NAA60: variants seen among roughly 807,000 people sequenced by gnomAD.
The protein encoded by NAA60 is N-alpha-acetyltransferase 60.
Under a neutral mutation model 26.1 loss-of-function variants are expected in NAA60, and 8 were observed. The ratio of observed to expected loss-of-function variants is 0.31; its 90% CI spans 0.18 to 0.55. The LOEUF (loss-of-function observed/expected upper bound fraction) is 0.55, where lower values mean the gene tolerates loss of function less well. NAA60 is among the 20% of genes least tolerant of loss of function. The probability of loss-of-function intolerance (pLI) is 0.93; values close to 1 mark genes in which losing one functional copy is unlikely to be tolerated. For synonymous variants in NAA60, 131 were observed against 122.5 expected (o/e 1.07, Z -0.46); for missense variants, 290 against 311.3 (o/e 0.93, Z 0.51).
chr16:3,445,127 ACTTGC>A (rs1419073618), intron 1 of NAA60, among the ~76,000 whole-genome samples: 3 of 152,184 alleles, frequency 2.0e-5, no homozygotes, highest in Non-Finnish European at 4.4e-5. Context: ...GTAAGAACAA[ACTTGC>A]CTACAGGCTA....
chr16:3,455,503 T>G (rs1328727148), intron 2 of NAA60, among the ~76,000 whole-genome samples: 1 of 147,872 alleles, frequency 6.8e-6, no homozygotes, highest in Non-Finnish European at 1.5e-5. Flanking sequence ...CACGCCATTC[T>G]CCTGCCTCAG....
rs778608697 is a variant in NAA60, at chr16:3,443,711, C to T, written c.-203C>T. 14 of 1,460,994 alleles carry T rather than the reference C, an allele frequency of 9.6e-6. No individual in the cohort carries two copies. Among genetic ancestry groups the T allele is most frequent in the Non-Finnish European group, 1.3e-5 (14 of 1,108,600 alleles). The allele number at this position is 1,460,994 out of a possible 1,614,324, so 90.5% of individuals were successfully genotyped here. On this transcript the variant is annotated 5_prime_UTR_variant, in exon 1 of 8. Transcript: ENST00000407558. ...CCGCTGGCGGGGTCTCCTCCGTGAGCTCCGGGCCTGTTTGCCTGCTGAAGT... is the reference window on the plus strand; with the variant it reads ...CCGCTGGCGGGGTCTCCTCCGTGAGTTCCGGGCCTGTTTGCCTGCTGAAGT...
chr16:3,476,301 C>A lies in NAA60; in HGVS notation c.74C>A (p.Thr25Asn). ...LRLLCHDDID[T>N]VKHLCGDWFP... Reference sequence around the variant, plus strand: ...CTCCTCTGCCACGATGACATAGACACTGTGAAGCACCTGTGTGGCGACTGG... The same window carrying A: ...CTCCTCTGCCACGATGACATAGACAATGTGAAGCACCTGTGTGGCGACTGG... The change falls in exon 3 of 8, where the codon ACT becomes AAT. Residue 25 changes from threonine (T) to asparagine (N), a missense_variant. Physicochemically the swap from Thr to Asn is moderately conservative, Grantham distance 65. Coordinates refer to ENST00000407558, the MANE Select transcript of NAA60 (RefSeq NM_001083601.3). The A allele has an allele frequency of 1.2e-6, 2 of 1,613,970 alleles. No homozygotes were observed. Among genetic ancestry groups the A allele is most frequent in the Non-Finnish European group, 1.7e-6 (2 of 1,179,848 alleles).
At chr16:3,468,746 G>A (rs1031201380) in intron 2 of NAA60, among the ~76,000 whole-genome samples, 1 of 152,214 alleles carries the variant, frequency 6.6e-6, no homozygotes, top group Non-Finnish European at 1.5e-5. Context: ...CTCACCCCAG[G>A]CTCGAGCCTT....
At chr16:3,455,551 C>T (rs375174269) in intron 2 of NAA60, among the ~76,000 whole-genome samples, 10 of 151,468 alleles carry the variant, frequency 6.6e-5, no homozygotes, top group East Asian at 3.9e-4. Context: ...CCTGCCACCA[C>T]GCCCGGCTAA....
At chr16:3,483,339 T>G in intron 5 of NAA60, 24 bp from the exon 6 acceptor site, 1 of 1,551,638 alleles carries the variant, frequency 6.4e-7, no homozygotes, top group Non-Finnish European at 8.8e-7. Flanking sequence ...TCTGCCTGCA[T>G]TACCTTTACC....
chr16:3,482,283 G>T (rs2036885742), intron 4 of NAA60, among the ~76,000 whole-genome samples: 1 of 152,208 alleles, frequency 6.6e-6, no homozygotes, highest in African/African-American at 2.4e-5. Context: ...CCTTTTGTGT[G>T]TGTTCTTCTT....
At chr16:3,479,055 G>A (rs2036663916) in intron 3 of NAA60, among the ~76,000 whole-genome samples, 1 of 152,042 alleles carries the variant, frequency 6.6e-6, no homozygotes, top group Non-Finnish European at 1.5e-5. Context: ...GACCAACATG[G>A]AGAAACCCCA....
At chr16:3,468,357 G>T (rs991254175) in intron 2 of NAA60, among the ~76,000 whole-genome samples, 1 of 152,120 alleles carries the variant, frequency 6.6e-6, no homozygotes, top group Admixed American at 6.5e-5. Flanking sequence ...TTTGGATTTA[G>T]TTCTAAGAAG....
intron 1 of NAA60, among the ~76,000 whole-genome samples, 198 bp from the exon 2 acceptor site, chr16:3,448,273 C>CA (rs34119288): frequency 0.43 from 50,819 of 118,636 alleles, 11,467 homozygotes; most frequent in East Asian, 0.62. Context: ...GACCTTGTCT[C>CA]AAAAAAAAAA....
chr16:3,464,578 C>T (rs1213551555), intron 2 of NAA60, among the ~76,000 whole-genome samples: 1 of 152,186 alleles, frequency 6.6e-6, no homozygotes, highest in Non-Finnish European at 1.5e-5. Flanking sequence ...CTTAAGTTTT[C>T]TCTCCGAGAA....
chr16:3,465,289 GAAAA>G (rs1264513191), intron 2 of NAA60, among the ~76,000 whole-genome samples: 2 of 149,422 alleles, frequency 1.3e-5, no homozygotes, highest in Non-Finnish European at 1.5e-5. Context: ...AAAAAGAAAA[GAAAA>G]AAGGAAACTC....
chr16:3,458,599 C>G (rs528122069), intron 2 of NAA60, among the ~76,000 whole-genome samples: 70 of 152,278 alleles, frequency 4.6e-4, no homozygotes, highest in Admixed American at 7.2e-4. Flanking sequence ...GCCTTCGCCC[C>G]GCTCTCGCCT....
Position 3,452,648 on chromosome 16 carries a change from C to T in NAA60, c.-7+4108C>T, listed in dbSNP as rs529903110. Among the ~76,000 whole-genome samples, 65 of 147,884 alleles carry T rather than the reference C, an allele frequency of 4.4e-4. 1 individual carries two copies. The highest frequency in any genetic ancestry group is 5.0e-4 in the African/African-American group (20 of 40,160). On this transcript the variant is annotated intron_variant, in intron 2 of 7. Transcript: ENST00000407558. ...CAGCCGGAGGGGCAGAGCAAGACCC[C>T]GTCTCAAAAAAAAAAAAAGAATGCT...
At chr16:3,471,490 C>G (rs1294768672) in intron 2 of NAA60, among the ~76,000 whole-genome samples, 1 of 152,154 alleles carries the variant, frequency 6.6e-6, no homozygotes, top group Non-Finnish European at 1.5e-5. Flanking sequence ...GGGGGCAGAG[C>G]AAGACTCCAT....
chr16:3,460,737 G>A (rs9934814), intron 2 of NAA60, among the ~76,000 whole-genome samples: 30,302 of 152,082 alleles, frequency 0.2, 3,752 homozygotes, highest in African/African-American at 0.34. Context: ...CTGCATCGAA[G>A]CTGGTTCTGC....
At chr16:3,455,017 C>T (rs140156222) in intron 2 of NAA60, among the ~76,000 whole-genome samples, 192 of 152,260 alleles carry the variant, frequency 1.3e-3, no homozygotes, top group African/African-American at 4.1e-3. Context: ...ACACATAAGC[C>T]GTGGAGAAAT....
In NAA60 at chr16:3,451,746, C is replaced by T. The variant is rs1018943586; in HGVS notation, c.-7+3206C>T. On this transcript the variant is annotated intron_variant, in intron 2 of 7. Coordinates refer to ENST00000407558, the MANE Select transcript of NAA60 (RefSeq NM_001083601.3). The stretch of plus-strand genomic sequence containing the variant: ...CAGCCTGGGCAACATGACAAAACCT[C>T]GTCTCTACAAAAAATGCAAAAACTA... 1.3e-4 allele frequency among the ~76,000 whole-genome samples: 19 copies of T among 148,844 alleles called. 1 individual carries two copies. Among genetic ancestry groups the T allele is most frequent in the African/African-American group, 4.5e-4 (18 of 40,304 alleles).
chr16:3,454,161 A>C (rs905605739), intron 2 of NAA60, among the ~76,000 whole-genome samples: 1 of 152,016 alleles, frequency 6.6e-6, no homozygotes, highest in Non-Finnish European at 1.5e-5. Flanking sequence ...TTGTTGCTCT[A>C]CCTGGGCCAG....
Sources: gnomAD v4.1 joint callset for allele counts (sites outside exome capture counted in the v4.1 genomes callset) on GRCh38, gnomAD v4.1.1 for gene constraint, MANE v1.5 for transcripts, NCBI Gene and HGNC (gene_info 2026-07-23, HGNC 2026-07-21) for gene names.